The following TRPC4 variants were observed in gnomAD, a reference collection of about 807,000 sequenced individuals.
The protein encoded by TRPC4 is short transient receptor potential channel 4.
In TRPC4, 49 loss-of-function variants were observed where a neutral mutation model predicts 99.4. That is an observed-to-expected ratio of 0.49 (90% confidence interval 0.39 to 0.63). The LOEUF is 0.63. Among genes scored for constraint, TRPC4 ranks in the 20% least tolerant of loss-of-function variants. The probability of loss-of-function intolerance (pLI) is 0.00; values close to 1 mark genes in which losing one functional copy is unlikely to be tolerated. For synonymous variants in TRPC4, 454 were observed against 425.9 expected (o/e 1.07, Z -0.81); for missense variants, 898 against 1,152.9 (o/e 0.78, Z 3.20).
chr13:37,750,716 G>T (rs578209639), intron 2 of TRPC4, among the ~76,000 whole-genome samples: 10 of 152,086 alleles, frequency 6.6e-5, no homozygotes, highest in Non-Finnish European at 1.3e-4. Context: ...TGTTACATAG[G>T]TATACACGTG....
intron 5 of TRPC4, among the ~76,000 whole-genome samples, chr13:37,668,190 CCTT>C (rs1476981855): frequency 6.6e-6 from 1 of 152,228 alleles, no homozygotes; most frequent in Non-Finnish European, 1.5e-5. Flanking sequence ...CTGTATTCCT[CCTT>C]CTCTCAATTA....
At chr13:37,679,462 GA>G (rs1390380825) in intron 4 of TRPC4, among the ~76,000 whole-genome samples, 1 of 152,066 alleles carries the variant, frequency 6.6e-6, no homozygotes, top group African/African-American at 2.4e-5. Flanking sequence ...CTGTATGTTT[GA>G]AATTTTTCAT....
chr13:37,836,075 G>A (rs1958557427), intron 1 of TRPC4, among the ~76,000 whole-genome samples: 1 of 152,088 alleles, frequency 6.6e-6, no homozygotes, highest in Admixed American at 6.5e-5. Flanking sequence ...ATAAAGAGGA[G>A]TTCTCCTGCA....
intron 1 of TRPC4, among the ~76,000 whole-genome samples, chr13:37,846,633 C>A (rs1470695649): frequency 1.7e-5 from 2 of 118,314 alleles, no homozygotes; most frequent in African/African-American, 3.2e-5. Context: ...CAAATGAAGA[C>A]AGAAAGAGAG....
At chr13:37,643,265 A>G (rs1227990349) in intron 8 of TRPC4, among the ~76,000 whole-genome samples, 1 of 152,200 alleles carries the variant, frequency 6.6e-6, no homozygotes, top group African/African-American at 2.4e-5. Flanking sequence ...AAATGACTAC[A>G]TGTGTATGGC....
At chr13:37,808,607 T>C (rs145974040) in intron 1 of TRPC4, among the ~76,000 whole-genome samples, 68 of 152,062 alleles carry the variant, frequency 4.5e-4, no homozygotes, top group African/African-American at 1.6e-3. Context: ...GCTACACCAG[T>C]TGGGGTAGGG....
chr13:37,851,592 G>A (rs1566224124), intron 1 of TRPC4, among the ~76,000 whole-genome samples: 1 of 152,130 alleles, frequency 6.6e-6, no homozygotes, highest in Non-Finnish European at 1.5e-5. Flanking sequence ...TAAGGTGATG[G>A]AATAGAAGCC....
rs1951428708 is a variant in TRPC4 at position 37,633,110 on chromosome 13, A to C, written c.*3793T>G. Among the ~76,000 whole-genome samples the C allele has an allele frequency of 6.6e-6, 1 of 152,172 alleles. No homozygotes were observed. Among genetic ancestry groups the C allele is most frequent in the African/African-American group, 2.4e-5 (1 of 41,446 alleles). On this transcript the variant is annotated 3_prime_UTR_variant, in exon 11 of 11. Coordinates refer to ENST00000379705, the MANE Select transcript of TRPC4 (RefSeq NM_016179.4). ...TGAACTTATTTAACATGATTCTAAA[A>C]TTCAAATTAAAAAAGGCATGTGATA...
intron 8 of TRPC4, among the ~76,000 whole-genome samples, chr13:37,644,698 G>A (rs1375845806): frequency 2.0e-5 from 3 of 151,692 alleles, no homozygotes; most frequent in Non-Finnish European, 2.9e-5. Context: ...GTGAAACTCC[G>A]TCTCTACTAA....
intron 5 of TRPC4, among the ~76,000 whole-genome samples, chr13:37,665,480 C>G (rs1252952630): frequency 6.6e-6 from 1 of 152,110 alleles, no homozygotes; most frequent in Non-Finnish European, 1.5e-5. Flanking sequence ...GCAAAATGCC[C>G]TGAATATCGT....
intron 3 of TRPC4, among the ~76,000 whole-genome samples, chr13:37,703,637 G>A (rs553142152): frequency 6.6e-6 from 1 of 152,108 alleles, no homozygotes; most frequent in East Asian, 1.9e-4. Flanking sequence ...AAGTATCACT[G>A]CATACCTATT....
At position 37,731,957 on chromosome 13, in the gene TRPC4, C is replaced by CATAA. The variant is rs1370051026; in HGVS notation, c.897+13979_897+13980insTTAT. ...TTGTTATTTTTTCCTCACCAATGGTCAAGTTATTCCTCAACATAAAATCTC... is the reference window on the plus strand; with the variant it reads ...TTGTTATTTTTTCCTCACCAATGGTCATAAAAGTTATTCCTCAACATAAAATCTC... On this transcript the variant is annotated intron_variant, in intron 3 of 10. Transcript: ENST00000379705. 3.3e-5 allele frequency among the ~76,000 whole-genome samples: 5 copies of CATAA among 152,088 alleles called. No homozygotes were observed. The South Asian group carries it at 8.3e-4, about 25-fold the overall frequency.
intron 2 of TRPC4, among the ~76,000 whole-genome samples, chr13:37,758,616 G>T (rs1309176137): frequency 6.6e-6 from 1 of 151,540 alleles, no homozygotes; most frequent in Non-Finnish European, 1.5e-5. Flanking sequence ...AAATTACATG[G>T]TCATATATTT....
chr13:37,711,703 A>T (rs1483259473), intron 3 of TRPC4, among the ~76,000 whole-genome samples: 1 of 152,050 alleles, frequency 6.6e-6, no homozygotes, highest in Non-Finnish European at 1.5e-5. Context: ...TTTTATTTTA[A>T]TACTTGGCTT....
chr13:37,714,063 C>T (rs1291116425), intron 3 of TRPC4, among the ~76,000 whole-genome samples: 4 of 151,276 alleles, frequency 2.6e-5, no homozygotes, highest in Admixed American at 2.0e-4. Context: ...CTCCTTCCTT[C>T]CTTCCCTCCC....
chr13:37,763,800 G>T (rs1029171356), intron 2 of TRPC4, among the ~76,000 whole-genome samples: 1 of 151,764 alleles, frequency 6.6e-6, no homozygotes, highest in African/African-American at 2.4e-5. Flanking sequence ...ACATATTGGA[G>T]TATGCGTGGG....
intron 6 of TRPC4, among the ~76,000 whole-genome samples, chr13:37,658,270 A>C (rs1952310845): frequency 6.6e-6 from 1 of 152,196 alleles, no homozygotes; most frequent in Non-Finnish European, 1.5e-5. Context: ...TTGAAGACTA[A>C]ATCCTAACAG....
At chr13:37,779,331 T>C (rs1956780490) in intron 2 of TRPC4, among the ~76,000 whole-genome samples, 1 of 151,912 alleles carries the variant, frequency 6.6e-6, no homozygotes, top group African/African-American at 2.4e-5. Context: ...CATCAGAGAC[T>C]ATCAGTGCAA....
At chr13:37,765,872 TG>T (rs1346100933) in intron 2 of TRPC4, among the ~76,000 whole-genome samples, 2 of 151,512 alleles carry the variant, frequency 1.3e-5, no homozygotes, top group Non-Finnish European at 1.5e-5. Context: ...ATATATTTGA[TG>T]TTTTTTTAAA....
Sources: gnomAD v4.1 joint callset for allele counts (sites outside exome capture counted in the v4.1 genomes callset) on GRCh38, gnomAD v4.1.1 for gene constraint, MANE v1.5 for transcripts, NCBI Gene and HGNC (gene_info 2026-07-23, HGNC 2026-07-21) for gene names.